TTC34: variants seen among roughly 807,000 people sequenced by gnomAD.
TTC34 encodes tetratricopeptide repeat protein 34.
In TTC34, 44 loss-of-function variants were observed where a neutral mutation model predicts 40.7. The ratio of observed to expected loss-of-function variants is 1.08; its 90% confidence interval spans 0.85 to 1.39. The LOEUF (loss-of-function observed/expected upper bound fraction) is 1.39. Among genes scored for constraint, TTC34 ranks in the 40% most tolerant of loss-of-function variants. TTC34 has a pLI of 0.00. For synonymous variants in TTC34, 422 were observed against 398.6 expected (o/e 1.06, Z -0.70); for missense variants, 884 against 838.0 (o/e 1.05, Z -0.68).
chr1:2,756,995 G>GAGCATCTGACAGCCTGGAACAGCACCCAC (rs1641528413), intron 6 of TTC34, among the ~76,000 whole-genome samples: 1 of 151,582 alleles, frequency 6.6e-6, no homozygotes, highest in African/African-American at 2.4e-5. Flanking sequence ...ACGCCCAGGT[G>GAGCATCTGACAGCCTGGAACAGCACCCAC]AGCCTCTGAC....
chr1:2,790,981 C>CT (rs1229609015), intron 2 of TTC34, among the ~76,000 whole-genome samples: 1 of 152,186 alleles, frequency 6.6e-6, no homozygotes, highest in East Asian at 1.9e-4. Context: ...CTGGTCTGCA[C>CT]TATAATGGGT....
chr1:2,789,462 G>A (rs1199630578), intron 3 of TTC34, 41 bp downstream of exon 3: 9 of 1,488,122 alleles, frequency 6.0e-6, no homozygotes, highest in East Asian at 2.7e-5. Flanking sequence ...AAGGAGACCC[G>A]CAGGAAGCAG....
At chr1:2,682,335 A>AACG (rs1434071318) in intron 6 of TTC34, among the ~76,000 whole-genome samples, 1 of 122,554 alleles carries the variant, frequency 8.2e-6, no homozygotes. Flanking sequence ...GACAGCCCGG[A>AACG]GCAGTGACCA....
chr1:2,687,878 A>G (rs532955294), intron 6 of TTC34, among the ~76,000 whole-genome samples: 2 of 61,414 alleles, frequency 3.3e-5, no homozygotes, highest in African/African-American at 1.8e-4. Flanking sequence ...CCTGGAACAG[A>G]ACCCACATCC....
At chr1:2,798,427 C>T in intron 2 of TTC34, among the ~76,000 whole-genome samples, 1 of 114,204 alleles carries the variant, frequency 8.8e-6, no homozygotes, top group Non-Finnish European at 1.8e-5. Flanking sequence ...CCCAGCCTCT[C>T]AGCCTCTCAT....
chr1:2,673,368 A>T (rs1214329680), intron 6 of TTC34, among the ~76,000 whole-genome samples: 2 of 68,558 alleles, frequency 2.9e-5, no homozygotes, highest in Non-Finnish European at 6.6e-5. Flanking sequence ...ACAGGCGAGC[A>T]TCTGAGGGCC....
At chr1:2,768,477 T>G (rs1477086698) in intron 6 of TTC34, among the ~76,000 whole-genome samples, 2 of 148,386 alleles carry the variant, frequency 1.3e-5, no homozygotes, top group African/African-American at 5.1e-5. Flanking sequence ...AAGAATTTGA[T>G]AAGTGGGGAA....
In TTC34 at chr1:2,645,413, C is replaced by T. The variant is rs1570746669; in HGVS notation, c.2377G>A (p.Gly793Arg). Residue 793 changes from glycine (G) to arginine (R), a missense_variant, in exon 7 of 9, where the codon GGG (glycine) becomes AGG (arginine). Gly to Arg is a moderately radical substitution (Grantham distance 125). Transcript: ENST00000401095. This position sits in a 1 kb window ranked among gnomAD's most constrained non-coding sequence, Gnocchi z 4.7. ...GTGTCCTTGTCCTCGAGAGGGGCCC[C>T]AGTGTCTGGCAGCTGGCTCAGAAGG... 2 of 1,535,812 alleles carry T rather than the reference C, an allele frequency of 1.3e-6. No individual in the cohort carries two copies. Among genetic ancestry groups the T allele is most frequent in the Non-Finnish European group, 1.7e-6 (2 of 1,146,756 alleles).
intron 6 of TTC34, among the ~76,000 whole-genome samples, chr1:2,777,458 CG>C (rs1369839712): frequency 2.6e-5 from 4 of 152,208 alleles, no homozygotes; most frequent in Admixed American, 1.3e-4. Flanking sequence ...TCCTGCCCCC[CG>C]GTTAGTGTCT....
At chr1:2,778,890 C>T (rs575506577) in intron 6 of TTC34, among the ~76,000 whole-genome samples, 3 of 152,278 alleles carry the variant, frequency 2.0e-5, no homozygotes, top group African/African-American at 7.2e-5. Context: ...GAAACTCTGT[C>T]CCCGTTAAAT....
chr1:2,700,152 T>A (rs143325730), intron 6 of TTC34, among the ~76,000 whole-genome samples: 999 of 82,202 alleles, frequency 0.012, 107 homozygotes, highest in African/African-American at 0.036. Flanking sequence ...GCATCGGACA[T>A]CCTGGAGCAT....
chr1:2,686,133 A>T (rs1640332976), intron 6 of TTC34, among the ~76,000 whole-genome samples: 1 of 110,960 alleles, frequency 9.0e-6, no homozygotes, highest in Non-Finnish European at 1.8e-5. Context: ...GCAGGTGAGC[A>T]TCTGATGGTC....
chr1:2,692,284 A>T (rs1366941581), intron 6 of TTC34, among the ~76,000 whole-genome samples: 1 of 69,328 alleles, frequency 1.4e-5, no homozygotes, highest in Non-Finnish European at 3.4e-5. Context: ...AGCATCTGAC[A>T]GCCTGGAGCA....
chr1:2,791,144 C>G (rs907299336), intron 2 of TTC34, among the ~76,000 whole-genome samples: 1 of 152,168 alleles, frequency 6.6e-6, no homozygotes, highest in African/African-American at 2.4e-5. Context: ...ACCTGCCCCC[C>G]ACCCCAGTGT....
chr1:2,751,589 C>G lies in TTC34; in HGVS notation c.2226+32020G>C, dbSNP rs1243413987. Among the ~76,000 whole-genome samples the G allele has an allele frequency of 2.6e-5, 3 of 117,236 alleles. 1 individual carries two copies. Among genetic ancestry groups the G allele is most frequent in the African/African-American group, 1.1e-4 (3 of 26,724 alleles). The allele number at this position is 117,236 out of a possible 152,430, so 76.9% of individuals were successfully genotyped here. A position where few individuals can be genotyped will look rare whatever the true frequency, so the allele number is the denominator to read the frequency against. On this transcript the variant is annotated intron_variant, in intron 6 of 8. Coordinates refer to ENST00000401095, the Ensembl canonical transcript of TTC34. ...ACACCCCCAGGTGCGCACGTGACAG[C>G]CTGCAACAGCACCCACACCCCCAGG... is the stretch of plus-strand genomic sequence containing the variant.
At chr1:2,795,488 T>C (rs1348023887) in intron 2 of TTC34, among the ~76,000 whole-genome samples, 1 of 152,168 alleles carries the variant, frequency 6.6e-6, no homozygotes, top group Admixed American at 6.5e-5. Flanking sequence ...TCCAGCTTCC[T>C]TACATGGCCC....
chr1:2,644,157 C>T, intron 8 of TTC34, 107 bp downstream of exon 8: 1 of 1,200,308 alleles, frequency 8.3e-7, no homozygotes. Context: ...TGAAATCAAC[C>T]CAACCGCAGA....
intron 8 of TTC34, among the ~76,000 whole-genome samples, chr1:2,643,070 G>A (rs1047955285): frequency 6.6e-6 from 1 of 152,176 alleles, no homozygotes; most frequent in African/African-American, 2.4e-5. Context: ...CATTTGGGCC[G>A]GGTCCATGGC....
chr1:2,644,468 C>T (rs948890105), exon 8 of TTC34: 2 of 1,533,192 alleles, frequency 1.3e-6, no homozygotes, highest in Admixed American at 2.0e-5. Context: ...TGCCAGCTTC[C>T]TCGTAGCTGC....
Sources: gnomAD v4.1 joint callset for allele counts (sites outside exome capture counted in the v4.1 genomes callset) on GRCh38, gnomAD v4.1.1 for gene constraint, Gnocchi (gnomAD v3.1) non-coding constraint, MANE v1.5 for transcripts, NCBI Gene and HGNC (gene_info 2026-07-23, HGNC 2026-07-21) for gene names.